The following TRAFD1 variants were observed in gnomAD, a reference collection of about 807,000 sequenced individuals.
TRAFD1 encodes the protein TRAF-type zinc finger domain-containing protein 1.
A neutral mutation model predicts 65.3 loss-of-function variants in TRAFD1; 38 were observed. That is an observed-to-expected ratio of 0.58 (90% CI 0.45 to 0.76). The LOEUF (loss-of-function observed/expected upper bound fraction) is 0.76, where lower values mean the gene tolerates loss of function less well. Among genes scored for constraint, TRAFD1 ranks in the 30% least tolerant of loss-of-function variants. The pLI is 0.00. For synonymous variants in TRAFD1, 223 were observed against 257.2 expected (o/e 0.87, Z 1.27); for missense variants, 631 against 712.6 (o/e 0.89, Z 1.30).
chr12:112,141,959 A>G (rs1324510440), intron 5 of TRAFD1, 130 bp from the exon 6 acceptor site: 6 of 943,348 alleles, frequency 6.4e-6, no homozygotes, highest in Non-Finnish European at 7.9e-6. Context: ...GAAGAGAGCT[A>G]GTTGAACATG....
chr12:112,148,387 T>C, intron 8 of TRAFD1, 83 bp downstream of exon 8: 4 of 1,176,882 alleles, frequency 3.4e-6, no homozygotes, highest in Non-Finnish European at 2.5e-6. Flanking sequence ...CCTTAGCCTT[T>C]AAGTTGCATT....
chr12:112,129,864 G>A (rs547100875), intron 1 of TRAFD1, among the ~76,000 whole-genome samples: 1 of 152,064 alleles, frequency 6.6e-6, no homozygotes, highest in East Asian at 1.9e-4. Context: ...GGATGGTCTC[G>A]ATCTCCTGAC....
intron 4 of TRAFD1, among the ~76,000 whole-genome samples, chr12:112,140,560 G>A (rs959584906): frequency 6.6e-6 from 1 of 151,994 alleles, no homozygotes; most frequent in African/African-American, 2.4e-5. Context: ...ACTAAGTAAT[G>A]TGTGCACAAA....
At chr12:112,127,161 G>A (rs1319913969) in intron 1 of TRAFD1, among the ~76,000 whole-genome samples, 1 of 152,070 alleles carries the variant, frequency 6.6e-6, no homozygotes, top group East Asian at 1.9e-4. Flanking sequence ...CTGCCTGGAT[G>A]GATTTCCCCG....
At chr12:112,145,548 TG>T in intron 6 of TRAFD1, 37 bp from the exon 7 acceptor site, 1 of 1,604,406 alleles carries the variant, frequency 6.2e-7, no homozygotes, top group Non-Finnish European at 8.5e-7. Flanking sequence ...AGTTTGTTTT[TG>T]TTCATCCTGA....
chr12:112,151,697 T>G (rs2030410609), intron 9 of TRAFD1, 104 bp from the exon 10 acceptor site: 3 of 1,169,118 alleles, frequency 2.6e-6, no homozygotes, highest in Non-Finnish European at 3.6e-6. Context: ...CACGCCTGGC[T>G]GAGCAGTTGT....
Position 112,135,517 on chromosome 12 carries a change from T to G in TRAFD1, c.237+451T>G, listed in dbSNP as rs1279814603. Among the ~76,000 whole-genome samples, 3 of 151,974 alleles carry G rather than the reference T, an allele frequency of 2.0e-5. No individual in the cohort carries two copies. In the East Asian group the frequency reaches 5.8e-4, roughly 29 times the overall value. Reference sequence around the variant, plus strand: ...GGTGTGATCTCGGCTTACTGCAACCTCTGCCTCCCAGGTTCAAGCAATTCT... The same window carrying G: ...GGTGTGATCTCGGCTTACTGCAACCGCTGCCTCCCAGGTTCAAGCAATTCT... On this transcript the variant is annotated intron_variant, in intron 4 of 11. Transcript: ENST00000412615.
At chr12:112,142,473 T>A (rs1352402814) in intron 6 of TRAFD1, among the ~76,000 whole-genome samples, 178 bp downstream of exon 6, 1 of 152,042 alleles carries the variant, frequency 6.6e-6, no homozygotes, top group Non-Finnish European at 1.5e-5. Context: ...TGGAGTGCAA[T>A]GTAATGATCT....
rs774749593 is a variant in TRAFD1 at position 112,148,233 on chromosome 12, G to A, written c.1087G>A (p.Glu363Lys). ...LMGLSNSHPVEESIIIPCEFC... is the reference protein window; with the variant it reads ...LMGLSNSHPVKESIIIPCEFC... ...GGGCCTGAGCAATTCACACCCTGTG[G>A]AGGAGAGCATCATTATCCCATGTGA... Residue 363 changes from glutamate to lysine, a missense_variant, in exon 8 of 12, where the codon GAG becomes AAG. Physicochemically the swap from Glu to Lys is moderately conservative, Grantham distance 56. Transcript: ENST00000412615. The A allele has an allele frequency of 6.2e-7, 1 of 1,614,182 alleles. No individual in the cohort carries two copies. Among genetic ancestry groups the A allele is most frequent in the South Asian group, 1.1e-5 (1 of 91,078 alleles).
At chr12:112,139,052 T>C (rs936870198) in intron 4 of TRAFD1, among the ~76,000 whole-genome samples, 2 of 150,864 alleles carry the variant, frequency 1.3e-5, no homozygotes, top group African/African-American at 4.9e-5. Flanking sequence ...TAAAATTGTA[T>C]ACCAGCTGTG....
rs1356417476 is a variant in TRAFD1 at position 112,149,756 on chromosome 12, G to C, written c.1164G>C (p.Gln388His). The C allele has an allele frequency of 6.2e-7, 1 of 1,614,014 alleles. No individual in the cohort carries two copies. The highest frequency in any genetic ancestry group is 8.5e-7 in the Non-Finnish European group (1 of 1,179,990). ...EEEVLFHHQD[Q>H]CDQRPATATN... ...TTCTGGTTTTTCTTGTTTAGGACCA[G>C]TGTGACCAACGCCCAGCCACTGCAA... The change falls in exon 9 of 12, where the codon CAG becomes CAC. Residue 388 changes from glutamine to histidine, a missense_variant. Gln to His is a conservative substitution (Grantham distance 24, BLOSUM62 0). Transcript: ENST00000412615.
Position 112,152,733 on chromosome 12 carries a change from A to G in TRAFD1, c.1693-2A>G. The G allele has an allele frequency of 2.5e-6, 4 of 1,614,238 alleles. No homozygotes were observed. The highest frequency in any genetic ancestry group is 3.4e-6 in the Non-Finnish European group (4 of 1,180,046). The stretch of plus-strand genomic sequence containing the variant: ...CTTCGTTTGTGTTGTGTTGTTCACC[A>G]GGCAAAGCCTTCCAAGCAACAGGGA... On this transcript the variant is annotated splice_acceptor_variant, in intron 11 of 11. Coordinates refer to ENST00000412615, the MANE Select transcript of TRAFD1 (RefSeq NM_006700.3). LOFTEE classifies it high-confidence loss of function. This position sits in a 1 kb window ranked among gnomAD's most constrained non-coding sequence, Gnocchi z 5.0.
chr12:112,143,729 GTT>G (rs869247106), intron 6 of TRAFD1, among the ~76,000 whole-genome samples: 9 of 121,754 alleles, frequency 7.4e-5, no homozygotes, highest in East Asian at 2.9e-4. Flanking sequence ...TCCCGCTTTG[GTT>G]TTTTTTTTTT....
intron 7 of TRAFD1, among the ~76,000 whole-genome samples, chr12:112,147,672 ATT>A (rs113564230): frequency 2.8e-5 from 4 of 142,694 alleles, no homozygotes. Context: ...ATTTAAAAAA[ATT>A]TTTTTTTTTT....
intron 1 of TRAFD1, among the ~76,000 whole-genome samples, chr12:112,127,602 C>G (rs2079546130): frequency 6.6e-6 from 1 of 151,882 alleles, no homozygotes; most frequent in Non-Finnish European, 1.5e-5. Flanking sequence ...GCCTCCCACC[C>G]CAGCCTCCCA....
intron 2 of TRAFD1, among the ~76,000 whole-genome samples, chr12:112,132,648 G>A (rs2079571991): frequency 6.6e-6 from 1 of 152,156 alleles, no homozygotes; most frequent in African/African-American, 2.4e-5. Flanking sequence ...CTGCCTTGGG[G>A]TCCCTAGCTT....
At chr12:112,141,282 G>T in intron 5 of TRAFD1, 58 bp downstream of exon 5, 1 of 1,578,590 alleles carries the variant, frequency 6.3e-7, no homozygotes, top group South Asian at 1.2e-5. Flanking sequence ...AGGCAAATGG[G>T]AACAGGGCTT....
intron 7 of TRAFD1, among the ~76,000 whole-genome samples, chr12:112,146,953 T>A (rs2030264312): frequency 6.6e-6 from 1 of 151,628 alleles, no homozygotes; most frequent in Non-Finnish European, 1.5e-5. Flanking sequence ...AATAGCTTTA[T>A]GTGTTTGAGG....
At chr12:112,141,287 G>C (rs1309560362) in intron 5 of TRAFD1, 63 bp downstream of exon 5, 3 of 1,560,212 alleles carry the variant, frequency 1.9e-6, no homozygotes, top group Non-Finnish European at 2.6e-6. Context: ...AATGGGAACA[G>C]GGCTTTGGGG....
Sources: gnomAD v4.1 joint callset for allele counts (sites outside exome capture counted in the v4.1 genomes callset) on GRCh38, gnomAD v4.1.1 for gene constraint, Gnocchi (gnomAD v3.1) non-coding constraint, MANE v1.5 for transcripts, NCBI Gene and HGNC (gene_info 2026-07-23, HGNC 2026-07-21) for gene names.